Variants in PTK2 observed in about 807,000 individuals in gnomAD.
The protein encoded by PTK2 is protein tyrosine kinase 2, also known as focal adhesion kinase 1.
In PTK2, 45 loss-of-function variants were observed where a neutral mutation model predicts 150.1. That is an observed-to-expected ratio of 0.30 (90% CI 0.24 to 0.38). The LOEUF (loss-of-function observed/expected upper bound fraction) is 0.38, where lower values mean the gene tolerates loss of function less well. PTK2 is among the 10% of genes least tolerant of loss of function. PTK2 has a pLI of 1.00. For synonymous variants in PTK2, 432 were observed against 449.2 expected, an observed-to-expected ratio of 0.96 and a Z score of 0.48; for missense variants, 919 against 1,307.3, an observed-to-expected ratio of 0.70 and a Z score of 4.58.
intron 29 of PTK2, 173 bp downstream of exon 32, chr8:140,674,125 C>G: frequency 5.2e-6 from 4 of 767,192 alleles, no homozygotes; most frequent in Middle Eastern, 4.5e-4. Flanking sequence ...TTCCCTGACT[C>G]TCAGAGGGGT....
At chr8:140,737,996 T>C (rs2100053565) in intron 21 of PTK2, among the ~76,000 whole-genome samples, 1 of 152,154 alleles carries the variant, frequency 6.6e-6, no homozygotes, top group Admixed American at 6.5e-5. Context: ...TAATTAAGAA[T>C]CAACAGTAAG....
intron 7 of PTK2, among the ~76,000 whole-genome samples, chr8:140,835,355 C>T (rs1373455280): frequency 6.6e-6 from 1 of 152,166 alleles, no homozygotes; most frequent in African/African-American, 2.4e-5. Flanking sequence ...AACATAATCC[C>T]TCAAATACTT....
chr8:140,722,221 C>T (rs1462665968), intron 22 of PTK2, among the ~76,000 whole-genome samples: 1 of 152,206 alleles, frequency 6.6e-6, no homozygotes, highest in Non-Finnish European at 1.5e-5. Context: ...GATCCCCCTG[C>T]CCTGGCCTCC....
intron 1 of PTK2, among the ~76,000 whole-genome samples, chr8:140,926,721 C>CA (rs1272270832): frequency 4.6e-5 from 7 of 151,982 alleles, no homozygotes; most frequent in African/African-American, 1.7e-4. Flanking sequence ...CAGTGAAATA[C>CA]AAAAAATAGA....
intron 25 of PTK2, 146 bp downstream of exon 28, chr8:140,702,424 G>T: frequency 9.9e-7 from 1 of 1,007,412 alleles, no homozygotes; most frequent in South Asian, 1.7e-5. Flanking sequence ...TCGCTATGTT[G>T]CCCAGTCTGG....
At position 140,829,848 on chromosome 8, in the gene PTK2, G is replaced by A. The variant is rs1456906123; in HGVS notation, c.648+624C>T. On this transcript the variant is annotated intron_variant, in intron 8 of 31. Transcript: ENST00000522684. ...GCAGAGCTCATCTGAGCCAGACTCT[G>A]CCTTAACCCTAAAGTTTGTATCCCC... Among the ~76,000 whole-genome samples the A allele has an allele frequency of 1.1e-4, 17 of 152,110 alleles. 1 individual carries two copies. The highest frequency in any genetic ancestry group is 1.1e-3 in the Admixed American group (17 of 15,276).
chr8:140,711,216 C>G (rs373897522), intron 23 of PTK2, among the ~76,000 whole-genome samples: 1 of 152,222 alleles, frequency 6.6e-6, no homozygotes, highest in South Asian at 2.1e-4. Flanking sequence ...AAGCGATTCT[C>G]GTGCCTCAGC....
At chr8:140,963,410 C>T (rs2100184092) in intron 1 of PTK2, among the ~76,000 whole-genome samples, 1 of 152,134 alleles carries the variant, frequency 6.6e-6, no homozygotes, top group Admixed American at 6.5e-5. Flanking sequence ...AAATCCTGCC[C>T]TTAACCATGA....
chr8:140,889,096 TAAAG>T (rs2100153350), intron 3 of PTK2, among the ~76,000 whole-genome samples: 1 of 151,928 alleles, frequency 6.6e-6, no homozygotes, highest in South Asian at 2.1e-4. Context: ...ACCAGCTTCA[TAAAG>T]AGTTTGTAAA....
intron 4 of PTK2, among the ~76,000 whole-genome samples, chr8:140,867,696 A>C (rs1450858228): frequency 6.6e-6 from 1 of 152,190 alleles, no homozygotes; most frequent in Admixed American, 6.5e-5. Flanking sequence ...CCCCTGTGAC[A>C]CGTAGTTTAC....
intron 17 of PTK2, 175 bp from the exon 21 acceptor site, chr8:140,747,035 C>CACGTGCT: frequency 1.9e-6 from 1 of 518,948 alleles, no homozygotes; most frequent in Non-Finnish European, 3.4e-6. Flanking sequence ...GGACTACAGG[C>CACGTGCT]GCCCACCACC....
At chr8:140,920,032 C>G (rs969233102) in intron 2 of PTK2, among the ~76,000 whole-genome samples, 8 of 152,100 alleles carry the variant, frequency 5.3e-5, no homozygotes, top group African/African-American at 1.9e-4. Flanking sequence ...CCTTTTACAA[C>G]AGTGCAGCTT....
chr8:140,658,101 T>A (rs990674417), exon 32 of PTK2: 2 of 152,140 alleles, frequency 1.3e-5, no homozygotes, highest in African/African-American at 4.8e-5. Context: ...GAGTCCGAGT[T>A]AGCGGAATAG....
At chr8:140,902,640 A>G (rs2100158967) in intron 2 of PTK2, among the ~76,000 whole-genome samples, 1 of 152,088 alleles carries the variant, frequency 6.6e-6, no homozygotes, top group Admixed American at 6.5e-5. Context: ...TGAATTTTTA[A>G]TGATTGCCAT....
chr8:140,659,605 T>C, exon 32 of PTK2: 1 of 1,614,226 alleles, frequency 6.2e-7, no homozygotes, highest in Non-Finnish European at 8.5e-7. Flanking sequence ...GGTCATGACA[T>C]ACTGCTGGGC....
At chr8:140,820,391 G>A (rs1318081570) in intron 8 of PTK2, among the ~76,000 whole-genome samples, 5 of 151,836 alleles carry the variant, frequency 3.3e-5, no homozygotes, top group African/African-American at 4.8e-5. Flanking sequence ...ATGAGCCACC[G>A]CACCCGGCCT....
At chr8:140,777,441 C>T (rs568426340) in intron 14 of PTK2, among the ~76,000 whole-genome samples, 7 of 152,240 alleles carry the variant, frequency 4.6e-5, no homozygotes. Context: ...GAACGGCCCA[C>T]GCCATTCATA....
intron 14 of PTK2, among the ~76,000 whole-genome samples, chr8:140,776,551 G>A (rs964899668): frequency 6.6e-6 from 1 of 152,232 alleles, no homozygotes; most frequent in African/African-American, 2.4e-5. Context: ...TTGGATATGG[G>A]AGAAGAAAAC....
chr8:140,847,889 A>C lies in PTK2; in HGVS notation c.451-1211T>G, dbSNP rs144985330. Among the ~76,000 whole-genome samples, 27 of 152,222 alleles carry C rather than the reference A, an allele frequency of 1.8e-4. No homozygotes were observed. In the East Asian group the frequency reaches 5.2e-3, roughly 29 times the overall value. On this transcript the variant is annotated intron_variant, in intron 5 of 31. Transcript: ENST00000522684. The stretch of plus-strand genomic sequence containing the variant: ...GTTAACTCATCTCTCACTCCACACC[A>C]ATCTTTGTCTACTTCATACTGGATG...
Sources: gnomAD v4.1 joint callset for allele counts (sites outside exome capture counted in the v4.1 genomes callset) on GRCh38, gnomAD v4.1.1 for gene constraint, MANE v1.5 for transcripts, NCBI Gene and HGNC (gene_info 2026-07-23, HGNC 2026-07-21) for gene names.